The following ADA variants were observed in gnomAD, a reference collection of about 807,000 sequenced individuals.
The protein encoded by ADA is adenosine deaminase.
ADA carries 45 observed loss-of-function variants against 49.0 expected under a neutral mutation model. The ratio of observed to expected loss-of-function variants is 0.92; its 90% CI spans 0.72 to 1.18. The LOEUF (loss-of-function observed/expected upper bound fraction) is 1.18, where lower values mean the gene tolerates loss of function less well. Ranked by LOEUF, ADA falls within the 50% of genes most tolerant of loss-of-function variation. ADA has a pLI of 0.00. For synonymous variants in ADA, 173 were observed against 184.2 expected (o/e 0.94, Z 0.49); for missense variants, 445 against 472.5 (o/e 0.94, Z 0.54).
rs563305008 is a variant in ADA at position 44,620,294 on chromosome 20, C to T, written c.1078+5G>A. 6.2e-6 allele frequency: 10 copies of T among 1,613,284 alleles called. No individual in the cohort carries two copies. In the South Asian group the frequency reaches 9.9e-5, roughly 16 times the overall value. On this transcript the variant is annotated splice_donor_5th_base_variant and intron_variant, in intron 11 of 11. Coordinates refer to ENST00000372874, the MANE Select transcript of ADA (RefSeq NM_000022.4). Reference sequence around the variant, plus strand: ...AACTGCCCAGAAGCCCAGACAGGAACCTACCTGCAGAGGCTGAAGGTGGCA... The same window carrying T: ...AACTGCCCAGAAGCCCAGACAGGAATCTACCTGCAGAGGCTGAAGGTGGCA...
At chr20:44,647,159 G>A (rs2065599783) in intron 1 of ADA, among the ~76,000 whole-genome samples, 1 of 152,090 alleles carries the variant, frequency 6.6e-6, no homozygotes, top group Non-Finnish European at 1.5e-5. Context: ...CCTTGGCCGG[G>A]TGCGGTGGCT....
chr20:44,632,476 A>T (rs2065442261), intron 2 of ADA, among the ~76,000 whole-genome samples: 1 of 152,144 alleles, frequency 6.6e-6, no homozygotes, highest in Non-Finnish European at 1.5e-5. Flanking sequence ...CCAGAGAGCT[A>T]ATGTGGGGGC....
chr20:44,640,825 AAGC>A (rs1303460824), intron 1 of ADA, among the ~76,000 whole-genome samples: 1 of 151,958 alleles, frequency 6.6e-6, no homozygotes, highest in East Asian at 1.9e-4. Context: ...ACACAAGAGG[AAGC>A]AGCAACGTGA....
chr20:44,624,914 T>C (rs951328204), intron 5 of ADA, among the ~76,000 whole-genome samples: 1 of 152,252 alleles, frequency 6.6e-6, no homozygotes, highest in Non-Finnish European at 1.5e-5. Flanking sequence ...CTCAGTTTCC[T>C]CATCTGTCAA....
intron 2 of ADA, among the ~76,000 whole-genome samples, chr20:44,630,032 G>T (rs1200429662): frequency 6.6e-6 from 1 of 150,556 alleles, no homozygotes; most frequent in African/African-American, 2.5e-5. Context: ...AACAGCCAGA[G>T]AACACCAGAC....
chr20:44,647,452 A>G (rs1358208699), intron 1 of ADA, among the ~76,000 whole-genome samples: 1 of 151,698 alleles, frequency 6.6e-6, no homozygotes, highest in Non-Finnish European at 1.5e-5. Flanking sequence ...AGAAAAAAAG[A>G]AAGAAACTGC....
chr20:44,625,376 T>A (rs2065371976), intron 5 of ADA, among the ~76,000 whole-genome samples, 193 bp downstream of exon 5: 1 of 152,002 alleles, frequency 6.6e-6, no homozygotes, highest in African/African-American at 2.4e-5. Context: ...GGGGAGAACA[T>A]CTCCAGAAGT....
chr20:44,629,900 G>A (rs907858732), intron 2 of ADA, among the ~76,000 whole-genome samples: 8 of 152,078 alleles, frequency 5.3e-5, no homozygotes, highest in Admixed American at 4.6e-4. Context: ...AGCAGGGTGC[G>A]AGCTCAGGGG....
chr20:44,626,795 C>T (rs2065386647), intron 3 of ADA, among the ~76,000 whole-genome samples, 196 bp from the exon 4 acceptor site: 1 of 152,196 alleles, frequency 6.6e-6, no homozygotes, highest in African/African-American at 2.4e-5. Context: ...TACCAGTTCT[C>T]ACCCCTCCAT....
At chr20:44,635,912 A>G (rs1349228851) in intron 2 of ADA, among the ~76,000 whole-genome samples, 4 of 151,940 alleles carry the variant, frequency 2.6e-5, no homozygotes, top group Non-Finnish European at 5.9e-5. Flanking sequence ...GAAAAAAAAA[A>G]AGACGGATTC....
rs1363673891 is a variant in ADA, at chr20:44,625,627, C to G, written c.420G>C (p.Gly140=). 2 of 1,584,264 alleles carry G rather than the reference C, an allele frequency of 1.3e-6. No individual in the cohort carries two copies. Among genetic ancestry groups the G allele is most frequent in the Admixed American group, 3.6e-5 (2 of 56,090 alleles). Residue 140 remains glycine (G), a synonymous_variant, in exon 5 of 12, where the codon GGG becomes GGC. Transcript: ENST00000372874. ...VALVGQGLQE[G]ERDFGVKARS... ...GGGCCTTGACCCCGAAGTCTCGCTCCCCCTCCTGCAGGCCCTGGCCCACTA... is the reference window on the plus strand; with the variant it reads ...GGGCCTTGACCCCGAAGTCTCGCTCGCCCTCCTGCAGGCCCTGGCCCACTA...
intron 1 of ADA, among the ~76,000 whole-genome samples, chr20:44,650,401 C>T (rs2065632963): frequency 6.6e-6 from 1 of 152,056 alleles, no homozygotes; most frequent in Non-Finnish European, 1.5e-5. Flanking sequence ...CTGTCATCAT[C>T]ATTCACACCT....
At chr20:44,642,071 C>T (rs979048059) in intron 1 of ADA, among the ~76,000 whole-genome samples, 1 of 152,098 alleles carries the variant, frequency 6.6e-6, no homozygotes, top group Admixed American at 6.5e-5. Flanking sequence ...CCCTGCCTGG[C>T]AAAAGTATTT....
Position 44,636,050 on chromosome 20 carries a change from C to G in ADA, c.95+177G>C, listed in dbSNP as rs1799880. 0.74 allele frequency: 482,594 copies of G among 654,218 alleles called. 179,061 individuals are homozygous for G. Among genetic ancestry groups the G allele is most frequent in the Admixed American group, 0.81 (33,665 of 41,452 alleles). 40.5% of individuals were successfully genotyped at this position (654,218 alleles called of 1,614,324 possible). A position where few individuals can be genotyped will look rare whatever the true frequency, so the allele number is the denominator to read the frequency against. Reference sequence around the variant, plus strand: ...AGCTCAGGAGTTGGTCTGCGGGTCTCCAGCTCAGTGCTGAGGCCTCCATGT... The same window carrying G: ...AGCTCAGGAGTTGGTCTGCGGGTCTGCAGCTCAGTGCTGAGGCCTCCATGT... On this transcript the variant is annotated intron_variant, in intron 2 of 11. Coordinates refer to ENST00000372874, the MANE Select transcript of ADA (RefSeq NM_000022.4).
chr20:44,642,211 G>A (rs1339571469), intron 1 of ADA, among the ~76,000 whole-genome samples: 1 of 152,212 alleles, frequency 6.6e-6, no homozygotes, highest in Non-Finnish European at 1.5e-5. Context: ...CTCACTGGAG[G>A]CCCTGGAGGG....
intron 1 of ADA, 97 bp from the exon 2 acceptor site, chr20:44,636,385 A>T: frequency 1.8e-6 from 2 of 1,084,968 alleles, no homozygotes; most frequent in Non-Finnish European, 2.8e-6. Flanking sequence ...GTTAACATTA[A>T]TCATGATAAC....
intron 1 of ADA, among the ~76,000 whole-genome samples, chr20:44,642,541 G>A (rs2065546685): frequency 6.6e-6 from 1 of 152,224 alleles, no homozygotes; most frequent in Non-Finnish European, 1.5e-5. Context: ...TCAGGAAGCA[G>A]GCGGGGAGTT....
chr20:44,651,602 G>C lies in ADA; in HGVS notation c.6C>G (p.Ala2=), dbSNP rs767788896. 6.5e-7 allele frequency: 1 copy of C among 1,537,918 alleles called. No individual in the cohort carries two copies. Among genetic ancestry groups the C allele is most frequent in the Non-Finnish European group, 8.7e-7 (1 of 1,149,714 alleles). M[A]QTPAFDKPKV... is the part of the protein sequence containing the mutation. ...TGGGCTTGTCGAAGGCGGGCGTCTGGGCCATGGTGCCCTCGTGCGCCCCGG... is the reference window on the plus strand; with the variant it reads ...TGGGCTTGTCGAAGGCGGGCGTCTGCGCCATGGTGCCCTCGTGCGCCCCGG... Residue 2 remains alanine, a synonymous_variant, in exon 1 of 12, where the codon GCC becomes GCG. Transcript: ENST00000372874.
chr20:44,626,735 T>C, intron 3 of ADA, 136 bp from the exon 4 acceptor site: 1 of 1,100,436 alleles, frequency 9.1e-7, no homozygotes, highest in Non-Finnish European at 1.3e-6. Flanking sequence ...ATCCACTGGA[T>C]AAGATCCCAG....
Sources: gnomAD v4.1 joint callset for allele counts (sites outside exome capture counted in the v4.1 genomes callset) on GRCh38, gnomAD v4.1.1 for gene constraint, MANE v1.5 for transcripts, NCBI Gene and HGNC (gene_info 2026-07-23, HGNC 2026-07-21) for gene names.